The following OTUD5 variants were observed in gnomAD, a reference collection of about 807,000 sequenced individuals.
OTUD5 encodes the protein OTU domain-containing protein 5.
OTUD5 carries 2 observed loss-of-function variants against 36.3 expected under a neutral mutation model. That is an observed-to-expected ratio of 0.06 (90% confidence interval 0.02 to 0.17). OTUD5 has a LOEUF of 0.17. Among genes scored for constraint, OTUD5 ranks in the 10% least tolerant of loss-of-function variants. The pLI is 1.00. For synonymous variants in OTUD5, 234 were observed against 214.9 expected (o/e 1.09, Z -0.78); for missense variants, 233 against 512.3 (o/e 0.45, Z 5.26).
intron 5 of OTUD5, among the ~76,000 whole-genome samples, chrX:48,927,822 A>G (rs1338766066): frequency 9.0e-6 from 1 of 111,038 alleles, no homozygotes; most frequent in Non-Finnish European, 1.9e-5. Context: ...AAAGTTGCAA[A>G]CCTCTAATCC....
chrX:48,933,805 G>A (rs782056268), intron 5 of OTUD5, among the ~76,000 whole-genome samples: 110 of 112,220 alleles, frequency 9.8e-4, no homozygotes, highest in Middle Eastern at 4.6e-3. Context: ...GTTGGAGGGT[G>A]TGTTGGTGTT....
At chrX:48,940,795 C>T (rs1348329588) in intron 2 of OTUD5, 1 of 111,992 alleles carries the variant, frequency 8.9e-6, no homozygotes, top group Non-Finnish European at 1.9e-5. Context: ...CTCCACTCCA[C>T]CCAAGCCTTC....
chrX:48,923,231 G>A lies in OTUD5; in HGVS notation c.1644C>T (p.Tyr548=). The A allele has an allele frequency of 8.3e-7, 1 of 1,208,563 alleles. No homozygotes were observed. Among genetic ancestry groups the A allele is most frequent in the Non-Finnish European group, 1.1e-6 (1 of 893,168 alleles). The change falls in exon 9 of 9, where the codon TAC becomes TAT. Residue 548 remains tyrosine (Y), a synonymous_variant. Transcript: ENST00000376488. ...ASVLAVSQQE[Y]LDSMKKNKVH... ...CTTTGTTTTTCTTCATACTGTCTAG[G>A]TATTCCTGTTGGGACACTGCCAGCA...
chrX:48,928,121 T>A (rs2063694680), intron 5 of OTUD5, among the ~76,000 whole-genome samples: 1 of 112,552 alleles, frequency 8.9e-6, no homozygotes, highest in Admixed American at 9.4e-5. Context: ...AATGACAGTA[T>A]CAATTGCTGG....
rs1279146475 is a variant in OTUD5, at chrX:48,922,638, A to G, written c.*536T>C. The stretch of plus-strand genomic sequence containing the variant: ...ATATCATTTTTGATTAGTTGATTTT[A>G]TAAGATAAAAGTAATTTTAATAAAG... On this transcript the variant is annotated 3_prime_UTR_variant, in exon 9 of 9. Transcript: ENST00000376488. 1.3e-6 allele frequency: 1 copy of G among 752,635 alleles called. No homozygotes were observed. The highest frequency in any genetic ancestry group is 2.3e-5 in the African/African-American group (1 of 43,771). 62.0% of individuals were successfully genotyped at this position (752,635 alleles called of 1,213,427 possible).
chrX:48,924,131 C>T (rs2063626365), intron 6 of OTUD5, 79 bp from the exon 7 acceptor site: 6 of 946,627 alleles, frequency 6.3e-6, no homozygotes, highest in Non-Finnish European at 8.7e-6. Flanking sequence ...ATGCTGGCTC[C>T]CTTCCCAGGA....
chrX:48,951,323 A>T (rs1395689830), intron 1 of OTUD5, among the ~76,000 whole-genome samples: 3 of 112,222 alleles, frequency 2.7e-5, no homozygotes, highest in Non-Finnish European at 5.6e-5. Flanking sequence ...TCCATGGACA[A>T]AACACAGGGG....
At chrX:48,957,636 G>A (rs1193983768), upstream of OTUD5, 1 of 790,054 alleles carries the variant, frequency 1.3e-6, no homozygotes, top group Non-Finnish European at 1.5e-6. Context: ...ACCCGGATGA[G>A]GGGGCTAGTG....
In OTUD5 at chrX:48,957,143, C is replaced by G. The variant is rs368851872; in HGVS notation, c.428G>C (p.Cys143Ser). The G allele has an allele frequency of 8.6e-7, 1 of 1,162,574 alleles. No individual in the cohort carries two copies. Among genetic ancestry groups the G allele is most frequent in the African/African-American group, 1.8e-5 (1 of 56,474 alleles). Residue 143 changes from cysteine to serine, a missense_variant, in exon 1 of 9, where the codon TGC becomes TCC. Coordinates refer to ENST00000376488, the MANE Select transcript of OTUD5 (RefSeq NM_001136157.2). Reference protein sequence around the residue: ...VGGAVGVGGCCSGPGHSKRRR... With the variant: ...VGGAVGVGGCSSGPGHSKRRR... The stretch of plus-strand genomic sequence containing the variant: ...CCGCTTGCTGTGCCCAGGCCCGGAG[C>G]AGCAGCCGCCCACGCCTACGGCACC...
In OTUD5 at chrX:48,940,560, T is replaced by C. The variant is rs1351095828; in HGVS notation, c.688+3630A>G. 5 of 111,968 alleles carry C rather than the reference T, an allele frequency of 4.5e-5. No individual in the cohort carries two copies. The East Asian group carries it at 1.4e-3, about 31-fold the overall frequency. 9.2% of individuals were successfully genotyped at this position (111,968 alleles called of 1,213,427 possible). On this transcript the variant is annotated intron_variant, in intron 2 of 8. Transcript: ENST00000376488. Reference sequence around the variant, plus strand: ...CTCATCGTGGTAACATGCACAGCCCTTGCCACTCCCCCATGGCCCATGTAG... The same window carrying C: ...CTCATCGTGGTAACATGCACAGCCCCTGCCACTCCCCCATGGCCCATGTAG...
At chrX:48,952,503 C>A (rs959189088) in intron 1 of OTUD5, among the ~76,000 whole-genome samples, 27 of 112,396 alleles carry the variant, frequency 2.4e-4, no homozygotes, top group African/African-American at 8.7e-4. Context: ...AAAAGAAACA[C>A]ACCCAAGGGC....
intron 1 of OTUD5, among the ~76,000 whole-genome samples, chrX:48,956,066 G>A (rs916688463): frequency 3.6e-5 from 4 of 111,331 alleles, no homozygotes; most frequent in African/African-American, 9.8e-5. Flanking sequence ...GGGTGCTGAG[G>A]GCCCATCTCT....
chrX:48,933,217 C>A (rs2063782807), intron 5 of OTUD5, among the ~76,000 whole-genome samples: 1 of 110,734 alleles, frequency 9.0e-6, no homozygotes, highest in Non-Finnish European at 1.9e-5. Context: ...AAAGGGGACA[C>A]AACAACTAAA....
chrX:48,943,569 G>A (rs782627176), intron 2 of OTUD5, among the ~76,000 whole-genome samples: 12 of 110,661 alleles, frequency 1.1e-4, no homozygotes, highest in African/African-American at 3.3e-4. Flanking sequence ...GTACATGAGG[G>A]TTCATCATTC....
intron 6 of OTUD5, among the ~76,000 whole-genome samples, chrX:48,925,261 G>C (rs868968344): frequency 2.6e-5 from 2 of 77,463 alleles, no homozygotes; most frequent in Non-Finnish European, 4.7e-5. Flanking sequence ...CTGGGCGACA[G>C]AGCAAGACTC....
intron 1 of OTUD5, among the ~76,000 whole-genome samples, chrX:48,949,582 GC>G (rs2064095331): frequency 8.9e-6 from 1 of 111,837 alleles, no homozygotes; most frequent in Admixed American, 9.5e-5. Context: ...GGAGGCTGAG[GC>G]AGGAGAATCG....
chrX:48,926,174 C>T, intron 5 of OTUD5, 124 bp from the exon 6 acceptor site: 1 of 502,474 alleles, frequency 2.0e-6, no homozygotes, highest in Admixed American at 3.1e-5. Context: ...AGCAGGTACT[C>T]CCAAAGAGCA....
chrX:48,926,982 A>G (rs781939332), intron 5 of OTUD5, among the ~76,000 whole-genome samples: 1 of 112,279 alleles, frequency 8.9e-6, no homozygotes, highest in East Asian at 2.8e-4. Flanking sequence ...ATGAAGCTTT[A>G]GTTAACATTA....
intron 2 of OTUD5, among the ~76,000 whole-genome samples, chrX:48,942,291 T>C (rs1302453956): frequency 3.1e-4 from 7 of 22,259 alleles, no homozygotes; most frequent in Admixed American, 1.3e-3. Context: ...AGAGAACAGC[T>C]AGCTAGATAC....
Sources: allele counts gnomAD v4.1 joint callset (sites outside exome capture counted in the v4.1 genomes callset), GRCh38; gene constraint gnomAD v4.1.1; transcripts MANE v1.5; gene names NCBI Gene and HGNC (gene_info 2026-07-23, HGNC 2026-07-21).